MON2: variants seen among roughly 807,000 people sequenced by gnomAD.
MON2 encodes MON2 regulator of endosome-to-Golgi trafficking, also known as protein MON2 homolog.
Under a neutral mutation model 208.6 loss-of-function variants are expected in MON2, and 84 were observed. That is an observed-to-expected ratio of 0.40 (90% CI 0.34 to 0.48). MON2 has a LOEUF of 0.48. Among genes scored for constraint, MON2 ranks in the 20% least tolerant of loss-of-function variants. The pLI, the probability that MON2 is intolerant of heterozygous loss-of-function variation, is 0.59. For missense variants in MON2, 1,611 were observed against 2,015.4 expected (o/e 0.80, Z 3.84); for synonymous variants, 660 against 694.0 (o/e 0.95, Z 0.77).
At chr12:62,494,396 C>CA (rs1482075582) in intron 3 of MON2, among the ~76,000 whole-genome samples, 2 of 152,032 alleles carry the variant, frequency 1.3e-5, no homozygotes, top group Non-Finnish European at 2.9e-5. Context: ...ATTTGTTTTT[C>CA]ATTAACTTAA....
rs367566705 is a variant in MON2 at position 62,560,487 on chromosome 12, A to G, written c.3410-4A>G. The G allele has an allele frequency of 1.1e-5, 17 of 1,591,368 alleles. No individual in the cohort carries two copies. Among genetic ancestry groups the G allele is most frequent in the African/African-American group, 2.7e-5 (2 of 73,372 alleles). On this transcript the variant is annotated splice_region_variant and splice_polypyrimidine_tract_variant and intron_variant, in intron 25 of 34. Coordinates refer to ENST00000393630, the MANE Select transcript of MON2 (RefSeq NM_015026.3). ...AATAGTTTTTTTTTCTCTTCCTAAT[A>G]TAGGAGATTTTTCAAGAGCTTGGGA...
rs2075596261 is a variant in MON2, at chr12:62,600,210, GT to G, written c.*7463del. On this transcript the variant is annotated 3_prime_UTR_variant, in exon 35 of 35. Transcript: ENST00000393630. ...CCTGGAGCATCATCACCACTAGGTG[GT>G]TAGGGAAGTAAAACACATTTGGCAC... 1 of 152,206 alleles carries G rather than the reference GT, an allele frequency of 6.6e-6. No homozygotes were observed. Among genetic ancestry groups the G allele is most frequent in the African/African-American group, 2.4e-5 (1 of 41,452 alleles). The allele number at this position is 152,206 out of a possible 1,614,324, so 9.4% of individuals were successfully genotyped here. A position where few individuals can be genotyped will look rare whatever the true frequency, so the allele number is the denominator to read the frequency against.
chr12:62,572,960 T>TA (rs751597224), intron 30 of MON2, among the ~76,000 whole-genome samples: 3 of 152,310 alleles, frequency 2.0e-5, no homozygotes, highest in Middle Eastern at 6.8e-3. Context: ...ACTATTCTAA[T>TA]ATGGTTTAGT....
At position 62,501,710 on chromosome 12, in the gene MON2, A is replaced by G; in HGVS notation, c.789+12A>G. 6.2e-7 allele frequency: 1 copy of G among 1,613,456 alleles called. No individual in the cohort carries two copies. On this transcript the variant is annotated intron_variant, in intron 7 of 34. Transcript: ENST00000393630. Reference sequence around the variant, plus strand: ...AGGTCTTTTTACAAGTAAGCCATTTATAGTATCTTGTGACAAAGTTAATCT... The same window carrying G: ...AGGTCTTTTTACAAGTAAGCCATTTGTAGTATCTTGTGACAAAGTTAATCT...
intron 11 of MON2, among the ~76,000 whole-genome samples, chr12:62,526,791 A>C (rs1331061371): frequency 6.6e-6 from 1 of 152,182 alleles, no homozygotes; most frequent in Admixed American, 6.5e-5. Context: ...AGTTACTATG[A>C]GGCAGTTATA....
chr12:62,542,698 ATTTTCC>A (rs1451084259), intron 19 of MON2, among the ~76,000 whole-genome samples: 1 of 151,888 alleles, frequency 6.6e-6, no homozygotes, highest in Admixed American at 6.6e-5. Flanking sequence ...TCTTGATTTC[ATTTTCC>A]TTTTCCTTTA....
At chr12:62,545,040 C>A in intron 21 of MON2, 32 bp downstream of exon 21, 1 of 1,385,522 alleles carries the variant, frequency 7.2e-7, no homozygotes, top group Non-Finnish European at 9.9e-7. Flanking sequence ...AAAAAGAATA[C>A]TCAATATAAA....
At chr12:62,537,802 C>A in intron 16 of MON2, 96 bp downstream of exon 16, 2 of 937,000 alleles carry the variant, frequency 2.1e-6, no homozygotes, top group Non-Finnish European at 1.6e-6. Context: ...TTGGACAGGC[C>A]TAAAAAATAG....
chr12:62,588,564 C>G (rs926374659), intron 34 of MON2, among the ~76,000 whole-genome samples: 1 of 152,138 alleles, frequency 6.6e-6, no homozygotes, highest in African/African-American at 2.4e-5. Flanking sequence ...ACCATTCTTT[C>G]TCATTTGTTT....
intron 24 of MON2, among the ~76,000 whole-genome samples, chr12:62,555,608 G>A (rs369773915): frequency 1.2e-4 from 19 of 152,144 alleles, no homozygotes; most frequent in Admixed American, 4.6e-4. Flanking sequence ...TCAGAAGTTC[G>A]AGACCAGCCT....
intron 29 of MON2, among the ~76,000 whole-genome samples, chr12:62,567,276 C>T (rs2074418909): frequency 6.6e-6 from 1 of 152,168 alleles, no homozygotes; most frequent in Admixed American, 6.5e-5. Flanking sequence ...TGATTATTTT[C>T]ATTTTTCTTT....
intron 23 of MON2, among the ~76,000 whole-genome samples, chr12:62,550,672 T>A (rs150145902): frequency 1.3e-5 from 2 of 152,366 alleles, no homozygotes; most frequent in Non-Finnish European, 2.9e-5. Flanking sequence ...CTTGTACTTG[T>A]AGGTTATGGT....
intron 31 of MON2, among the ~76,000 whole-genome samples, chr12:62,579,028 G>A (rs1248561169): frequency 6.6e-6 from 1 of 151,790 alleles, no homozygotes. Flanking sequence ...TTGAGACCAG[G>A]AGTTTGAGAC....
intron 1 of MON2, chr12:62,470,826 C>T: frequency 1.2e-6 from 1 of 805,454 alleles, no homozygotes; most frequent in Non-Finnish European, 1.5e-6. Context: ...TGATTGGAGC[C>T]ATTAGAGCTT....
intron 7 of MON2, among the ~76,000 whole-genome samples, chr12:62,503,524 A>G (rs1446694463): frequency 6.6e-6 from 1 of 152,184 alleles, no homozygotes; most frequent in African/African-American, 2.4e-5. Context: ...CCACAATGGT[A>G]TTTTTAAAAA....
rs765038000 is a variant in MON2, at chr12:62,501,596, T to C, written c.687T>C (p.Ala229=). Residue 229 remains alanine, a synonymous_variant, in exon 7 of 35, where the codon GCT becomes GCC. Transcript: ENST00000393630. ...AGGATCTTTGTCAGTTGGTTAATGCTGATGCTCCTTATTGGCTAGTGGGCA... is the reference window on the plus strand; with the variant it reads ...AGGATCTTTGTCAGTTGGTTAATGCCGATGCTCCTTATTGGCTAGTGGGCA... ...LFQDLCQLVN[A]DAPYWLVGMT... 1 of 1,614,164 alleles carries C rather than the reference T, an allele frequency of 6.2e-7. No homozygotes were observed. The highest frequency in any genetic ancestry group is 1.1e-5 in the South Asian group (1 of 91,088).
At chr12:62,519,838 C>T (rs1429065043) in intron 8 of MON2, among the ~76,000 whole-genome samples, 4 of 152,208 alleles carry the variant, frequency 2.6e-5, no homozygotes, top group Admixed American at 6.5e-5. Flanking sequence ...CTTCTTGAGA[C>T]GGAGTCTCGC....
At chr12:62,534,551 A>ATATATTTTATATATATATATATATTT in intron 12 of MON2, among the ~76,000 whole-genome samples, 2 of 112,580 alleles carry the variant, frequency 1.8e-5, no homozygotes, top group South Asian at 4.9e-4. Context: ...AAATATATAT[A>ATATATTTTATATATATATATATATTT]TATATATATA....
chr12:62,544,559 T>C (rs1368811644), intron 20 of MON2, among the ~76,000 whole-genome samples: 1 of 152,200 alleles, frequency 6.6e-6, no homozygotes, highest in Admixed American at 6.5e-5. Context: ...ATGCCTTCAT[T>C]AATGGATGGT....
Sources: gnomAD v4.1 joint callset for allele counts (sites outside exome capture counted in the v4.1 genomes callset) on GRCh38, gnomAD v4.1.1 for gene constraint, MANE v1.5 for transcripts, NCBI Gene and HGNC (gene_info 2026-07-23, HGNC 2026-07-21) for gene names.